The following RABGEF1 variants were observed in gnomAD, a reference collection of about 807,000 sequenced individuals.
RABGEF1 encodes the protein rab5 GDP/GTP exchange factor.
A neutral mutation model predicts 57.3 loss-of-function variants in RABGEF1; 26 were observed. That is an observed-to-expected ratio of 0.45 (90% CI 0.33 to 0.63). RABGEF1 has a LOEUF of 0.63. RABGEF1 is among the 20% of genes least tolerant of loss of function. The pLI, the probability that RABGEF1 is intolerant of heterozygous loss-of-function variation, is 0.02. For missense variants in RABGEF1, 464 were observed against 607.6 expected (o/e 0.76, Z 2.48); for synonymous variants, 185 against 210.7 (o/e 0.88, Z 1.06).
At chr7:66,780,984 A>G (rs527631832) in intron 3 of RABGEF1, among the ~76,000 whole-genome samples, 1 of 152,258 alleles carries the variant, frequency 6.6e-6, no homozygotes, top group Non-Finnish European at 1.5e-5. Flanking sequence ...TTTTTAACCT[A>G]ATCTGATAAT....
intron 1 of RABGEF1, among the ~76,000 whole-genome samples, chr7:66,754,386 T>A (rs1802212192): frequency 1.3e-5 from 2 of 151,514 alleles, no homozygotes; most frequent in South Asian, 2.1e-4. Context: ...TTTTTTTTTT[T>A]AAAGCCATCA....
upstream of RABGEF1, among the ~76,000 whole-genome samples, chr7:66,736,817 C>T (rs562563479): frequency 2.6e-5 from 4 of 152,190 alleles, no homozygotes; most frequent in East Asian, 3.9e-4. Context: ...GCCAAGTTTG[C>T]GCCACTGCAC....
At chr7:66,767,287 G>A (rs1184981626) in intron 1 of RABGEF1, among the ~76,000 whole-genome samples, 5 of 151,840 alleles carry the variant, frequency 3.3e-5, no homozygotes, top group African/African-American at 1.2e-4. Flanking sequence ...ATAGGTGTGA[G>A]CCACTGTGCC....
chr7:66,691,880 C>T (rs1035156905), intron 1 of RABGEF1, among the ~76,000 whole-genome samples: 22 of 151,706 alleles, frequency 1.5e-4, no homozygotes, highest in African/African-American at 4.9e-4. Context: ...GTAGCAAGAT[C>T]CCATTTCTAC....
At chr7:66,752,046 A>C (rs561053024) in intron 1 of RABGEF1, among the ~76,000 whole-genome samples, 13 of 152,208 alleles carry the variant, frequency 8.5e-5, no homozygotes, top group African/African-American at 2.9e-4. Flanking sequence ...ACCAAAAAAA[A>C]CCCGCAAAAA....
chr7:66,654,589 C>G, the RABGEF1 span: 1 of 152,580 alleles, frequency 6.6e-6, no homozygotes, highest in Non-Finnish European at 1.5e-5. Flanking sequence ...GCCACGCGGG[C>G]GAGCGGCTGT....
chr7:66,671,570 C>A, the RABGEF1 span, among the ~76,000 whole-genome samples: 2 of 152,188 alleles, frequency 1.3e-5, no homozygotes, highest in African/African-American at 4.8e-5. Flanking sequence ...TAGTGTTGTT[C>A]TCCTTTAATT....
At chr7:66,798,108 C>A (rs1786430625) in intron 6 of RABGEF1, among the ~76,000 whole-genome samples, 2 of 152,316 alleles carry the variant, frequency 1.3e-5, no homozygotes, top group Middle Eastern at 3.4e-3. Context: ...CAGAGCAAGA[C>A]TCCTTCTCAA....
chr7:66,687,375 C>G (rs183126624), intron 1 of RABGEF1, among the ~76,000 whole-genome samples: 16 of 151,774 alleles, frequency 1.1e-4, no homozygotes, highest in African/African-American at 3.6e-4. Context: ...ATCCATCCTC[C>G]TCGGCCTCCC....
chr7:66,801,077 C>T (rs889624250), intron 7 of RABGEF1, among the ~76,000 whole-genome samples: 2 of 152,238 alleles, frequency 1.3e-5, no homozygotes, highest in South Asian at 2.1e-4. Flanking sequence ...AAGTCCTCTG[C>T]CCTGAGGTCG....
chr7:66,740,115 C>G (rs1040273801), upstream of RABGEF1: 1 of 152,326 alleles, frequency 6.6e-6, no homozygotes, highest in East Asian at 1.9e-4. Context: ...ACCACAGGTG[C>G]CCGCCATCAT....
intron 1 of RABGEF1, among the ~76,000 whole-genome samples, chr7:66,706,708 CT>C (rs1430242699): frequency 6.6e-6 from 1 of 151,618 alleles, no homozygotes; most frequent in Non-Finnish European, 1.5e-5. Context: ...GCCACCGCGC[CT>C]AGCTGACTCA....
chr7:66,791,869 T>A (rs1342786555), intron 4 of RABGEF1, among the ~76,000 whole-genome samples: 1 of 152,170 alleles, frequency 6.6e-6, no homozygotes, highest in Non-Finnish European at 1.5e-5. Flanking sequence ...ATCCCAGCTC[T>A]TTAGGAGGCC....
At chr7:66,763,932 C>A in intron 1 of RABGEF1, among the ~76,000 whole-genome samples, 1 of 152,104 alleles carries the variant, frequency 6.6e-6, no homozygotes, top group East Asian at 1.9e-4. Flanking sequence ...ATGGATAATG[C>A]TGATATAAAC....
At chr7:66,793,379 C>T (rs1427555594) in intron 4 of RABGEF1, among the ~76,000 whole-genome samples, 1 of 152,160 alleles carries the variant, frequency 6.6e-6, no homozygotes, top group African/African-American at 2.4e-5. Flanking sequence ...GTTTTGGCTG[C>T]TTTTTGACTC....
intron 4 of RABGEF1, among the ~76,000 whole-genome samples, chr7:66,792,661 A>G (rs1381236571): frequency 6.6e-6 from 1 of 152,222 alleles, no homozygotes; most frequent in Non-Finnish European, 1.5e-5. Context: ...AGATGTTGCA[A>G]AACAAAGGCA....
the RABGEF1 span, among the ~76,000 whole-genome samples, chr7:66,661,384 A>G: frequency 6.6e-6 from 1 of 151,918 alleles, no homozygotes; most frequent in Admixed American, 6.6e-5. Flanking sequence ...ACATAGGTAC[A>G]CTAGCAAATT....
chr7:66,772,382 T>G (rs1807358037), intron 2 of RABGEF1, among the ~76,000 whole-genome samples: 1 of 152,180 alleles, frequency 6.6e-6, no homozygotes. Flanking sequence ...TGGTGAAGAT[T>G]AAATGAGCTA....
chr7:66,667,955 G>A, the RABGEF1 span, among the ~76,000 whole-genome samples: 2 of 152,070 alleles, frequency 1.3e-5, no homozygotes, highest in South Asian at 2.1e-4. Context: ...ATGCCACCAC[G>A]CCTGGCTGAT....
Sources: gnomAD v4.1 joint callset for allele counts (sites outside exome capture counted in the v4.1 genomes callset) on GRCh38, gnomAD v4.1.1 for gene constraint, MANE v1.5 for transcripts, NCBI Gene and HGNC (gene_info 2026-07-23, HGNC 2026-07-21) for gene names.